Variants in USH1C observed in about 807,000 individuals in gnomAD.
USH1C encodes the protein harmonin.
In USH1C, 90 loss-of-function variants were observed where a neutral mutation model predicts 119.3. That is an observed-to-expected ratio of 0.75 (90% CI 0.64 to 0.90). The LOEUF (loss-of-function observed/expected upper bound fraction) is 0.90, where lower values mean the gene tolerates loss of function less well. Ranked by LOEUF, USH1C falls within the 40% of genes least tolerant of loss-of-function variation. The pLI, the probability that USH1C is intolerant of heterozygous loss-of-function variation, is 0.00. For synonymous variants in USH1C, 465 were observed against 443.3 expected, an observed-to-expected ratio of 1.05 and a Z score of -0.62; for missense variants, 1,165 against 1,167.7, an observed-to-expected ratio of 1.00 and a Z score of 0.03.
At chr11:17,510,631 G>A in intron 16 of USH1C, 110 bp from the exon 17 acceptor site, 1 of 837,140 alleles carries the variant, frequency 1.2e-6, no homozygotes, top group South Asian at 1.4e-5. Flanking sequence ...GTACTGTGAG[G>A]TGCATCAGCT....
At chr11:17,507,928 T>C (rs192504328) in intron 18 of USH1C, among the ~76,000 whole-genome samples, 8 of 152,352 alleles carry the variant, frequency 5.3e-5, no homozygotes, top group East Asian at 3.9e-4. Context: ...GCATGGCTTA[T>C]GCATATTTTA....
chr11:17,518,817 C>G (rs1248416403), intron 14 of USH1C, among the ~76,000 whole-genome samples: 1 of 152,100 alleles, frequency 6.6e-6, no homozygotes, highest in Non-Finnish European at 1.5e-5. Context: ...GCTGGGAGTT[C>G]AAGACCTGCC....
At chr11:17,533,949 AGC>A (rs1005057630) in intron 1 of USH1C, 11 of 303,184 alleles carry the variant, frequency 3.6e-5, no homozygotes, top group African/African-American at 2.4e-4. Flanking sequence ...CCGCAGGGGG[AGC>A]GTCAGGTTAC....
Position 17,531,379 on chromosome 11 carries a change from C to T in USH1C, c.248+20G>A. 1 of 1,613,708 alleles carries T rather than the reference C, an allele frequency of 6.2e-7. No individual in the cohort carries two copies. The highest frequency in any genetic ancestry group is 8.5e-7 in the Non-Finnish European group (1 of 1,179,788). On this transcript the variant is annotated intron_variant, in intron 3 of 26. Coordinates refer to ENST00000005226, the MANE Select transcript of USH1C (RefSeq NM_153676.4). The surrounding 1 kb of genome is among the most constrained non-coding windows in gnomAD (Gnocchi z 4.2). ...TGATCTCTCCACCCCCTGCCTCCAG[C>T]CTGGTGGCTTCCTCTGCACCTGGAG...
At chr11:17,543,245 A>G (rs970139274) in intron 1 of USH1C, among the ~76,000 whole-genome samples, 2 of 152,192 alleles carry the variant, frequency 1.3e-5, no homozygotes, top group African/African-American at 4.8e-5. Context: ...AAGCACCCTG[A>G]CCTGCCCTAC....
chr11:17,504,145 C>T (rs560610584), intron 20 of USH1C, among the ~76,000 whole-genome samples: 33 of 152,332 alleles, frequency 2.2e-4, no homozygotes, highest in Middle Eastern at 3.4e-3. Context: ...ACTTCCACGT[C>T]CCTGTGCACA....
At position 17,495,608 on chromosome 11, in the gene USH1C, G is replaced by A. The variant is rs141591891; in HGVS notation, c.2616C>T (p.Ala872=). The A allele has an allele frequency of 4.2e-5, 67 of 1,614,086 alleles. No homozygotes were observed. The African/African-American group carries it at 6.9e-4, about 17-fold the overall frequency. ...GCAGGAGGAACCCGTGTCTGTGCACGGCAGCACGGTCTTCAAGGAGCTTTC... is the reference window on the plus strand; with the variant it reads ...GCAGGAGGAACCCGTGTCTGTGCACAGCAGCACGGTCTTCAAGGAGCTTTC... The part of the protein sequence containing the change: ...PVRKLLEDRA[A]VHRHGFLLQL... Residue 872 remains alanine (A), a synonymous_variant, in exon 26 of 27, where the codon GCC becomes GCT. Transcript: ENST00000005226.
At chr11:17,513,884 T>A (rs1850017134) in intron 15 of USH1C, among the ~76,000 whole-genome samples, 1 of 151,904 alleles carries the variant, frequency 6.6e-6, no homozygotes, top group Non-Finnish European at 1.5e-5. Context: ...GGCTTCTGGG[T>A]GGGGTAGTAG....
intron 18 of USH1C, among the ~76,000 whole-genome samples, chr11:17,507,821 TC>T (rs1242636491): frequency 1.3e-5 from 2 of 152,196 alleles, no homozygotes; most frequent in Non-Finnish European, 2.9e-5. Context: ...CTTGCTCCCA[TC>T]CTCCATGTGT....
rs6486378 is a variant in USH1C, at chr11:17,526,468, C to A, written c.580-27G>T. On this transcript the variant is annotated intron_variant, in intron 7 of 26. Transcript: ENST00000005226. ...TGAAAGAGAGATAGAAGCAGAATCA[C>A]GGAGTGTCCACATGCGTGCAAGCGG... 65 of 1,604,280 alleles carry A rather than the reference C, an allele frequency of 4.1e-5. No individual in the cohort carries two copies. In the Admixed American group the frequency reaches 1.1e-3, roughly 27 times the overall value.
At chr11:17,539,478 T>C (rs1851365613) in intron 1 of USH1C, among the ~76,000 whole-genome samples, 1 of 152,250 alleles carries the variant, frequency 6.6e-6, no homozygotes, top group Non-Finnish European at 1.5e-5. Flanking sequence ...TTTTTTAGTA[T>C]TAATTTAATG....
Position 17,509,802 on chromosome 11 carries a change from A to G in USH1C, c.1567T>C (p.Ser523Pro). 1 of 1,595,964 alleles carries G rather than the reference A, an allele frequency of 6.3e-7. No homozygotes were observed. Among genetic ancestry groups the G allele is most frequent in the Non-Finnish European group, 8.5e-7 (1 of 1,176,988 alleles). Residue 523 changes from serine (S) to proline (P), a missense_variant, in exon 18 of 27, where the codon TCT (serine) becomes CCT (proline). Physicochemically the swap from Ser to Pro is moderately conservative, Grantham distance 74 (BLOSUM62 -1). Transcript: ENST00000005226. ...CGTCTCAAGGGTGGGGCCAGGGGAG[A>G]CACAGAAGGCGGGGGAGGCGGGGGC... is the stretch of plus-strand genomic sequence containing the variant. ...TGPPPPPPSVSPLAPPLRRFA... is the reference protein window; with the variant it reads ...TGPPPPPPSVPPLAPPLRRFA...
At chr11:17,524,360 T>C in intron 9 of USH1C, 91 bp downstream of exon 9, 2 of 1,361,778 alleles carry the variant, frequency 1.5e-6, no homozygotes, top group Non-Finnish European at 2.0e-6. Flanking sequence ...AAGAGGGCCA[T>C]GTGGAAAGGC....
At chr11:17,536,416 G>A (rs904491488) in intron 1 of USH1C, among the ~76,000 whole-genome samples, 1 of 152,236 alleles carries the variant, frequency 6.6e-6, no homozygotes, top group Non-Finnish European at 1.5e-5. Flanking sequence ...TGAGGTAGAA[G>A]AGTAAGGTAA....
chr11:17,524,389 G>T, intron 9 of USH1C, 62 bp downstream of exon 9: 1 of 1,520,716 alleles, frequency 6.6e-7, no homozygotes, highest in Non-Finnish European at 8.9e-7. Context: ...CTGTCACCGC[G>T]GGATCACAGT....
At chr11:17,509,117 G>A (rs566501176) in intron 18 of USH1C, among the ~76,000 whole-genome samples, 1 of 152,170 alleles carries the variant, frequency 6.6e-6, no homozygotes, top group Non-Finnish European at 1.5e-5. Flanking sequence ...TGGACACACC[G>A]TTGCTTACCC....
intron 21 of USH1C, 132 bp from the exon 22 acceptor site, chr11:17,501,667 C>T: frequency 1.8e-6 from 2 of 1,101,886 alleles, no homozygotes; most frequent in South Asian, 2.7e-5. Flanking sequence ...GGACCGTGCC[C>T]AGCCCCACCC....
intron 8 of USH1C, 31 bp downstream of exon 8, chr11:17,526,316 C>T (rs910881246): frequency 9.4e-6 from 15 of 1,595,956 alleles, no homozygotes; most frequent in African/African-American, 2.7e-5. Flanking sequence ...GCACTGGCCA[C>T]GAATGACCCC....
chr11:17,526,850 G>A, intron 6 of USH1C, 40 bp from the exon 7 acceptor site: 1 of 1,591,264 alleles, frequency 6.3e-7, no homozygotes, highest in African/African-American at 1.4e-5. Flanking sequence ...TGGTTAGCGA[G>A]AGACGTTTGA....
Sources: allele counts gnomAD v4.1 joint callset (sites outside exome capture counted in the v4.1 genomes callset), GRCh38; gene constraint gnomAD v4.1.1; non-coding constraint Gnocchi (gnomAD v3.1); transcripts MANE v1.5; gene names NCBI Gene and HGNC (gene_info 2026-07-23, HGNC 2026-07-21).